PTPRZ1: variants seen among roughly 807,000 people sequenced by gnomAD.
The protein encoded by PTPRZ1 is receptor-type tyrosine-protein phosphatase zeta.
In PTPRZ1, 82 loss-of-function variants were observed where a neutral mutation model predicts 214.1. The observed-to-expected ratio is 0.38, with a 90% CI of 0.32 to 0.46. The LOEUF is 0.46. PTPRZ1 is among the 20% of genes least tolerant of loss of function. The pLI is 1.00. For missense variants in PTPRZ1, 2,603 were observed against 2,748.7 expected (o/e 0.95, Z 1.19); for synonymous variants, 945 against 987.9 (o/e 0.96, Z 0.81).
intron 8 of PTPRZ1, among the ~76,000 whole-genome samples, chr7:121,985,864 C>T (rs1019193841): frequency 6.6e-6 from 1 of 152,214 alleles, no homozygotes; most frequent in Non-Finnish European, 1.5e-5. Flanking sequence ...TTTTGTGTCT[C>T]TGCCAGCAAT....
chr7:122,043,918 A>T (rs987558216), intron 22 of PTPRZ1, among the ~76,000 whole-genome samples: 6 of 152,214 alleles, frequency 3.9e-5, no homozygotes, highest in Non-Finnish European at 7.3e-5. Flanking sequence ...ACTTAAAATA[A>T]ACATTAAAAA....
At chr7:121,925,391 A>C (rs956762351) in intron 1 of PTPRZ1, among the ~76,000 whole-genome samples, 1 of 152,244 alleles carries the variant, frequency 6.6e-6, no homozygotes, top group Non-Finnish European at 1.5e-5. Flanking sequence ...TTGTAAGTAG[A>C]AAGTGAAACA....
chr7:121,996,912 T>C (rs1798160727), intron 9 of PTPRZ1, among the ~76,000 whole-genome samples: 1 of 152,158 alleles, frequency 6.6e-6, no homozygotes, highest in South Asian at 2.1e-4. Context: ...CATTTTATAT[T>C]GTGTCTTCCA....
At chr7:122,051,640 T>G in intron 24 of PTPRZ1, 119 bp downstream of exon 24, 1 of 903,094 alleles carries the variant, frequency 1.1e-6, no homozygotes, top group Non-Finnish European at 1.7e-6. Flanking sequence ...ATTTTTAATT[T>G]TGTCCAATAT....
At chr7:122,005,094 T>C (rs1436417458) in intron 11 of PTPRZ1, among the ~76,000 whole-genome samples, 1 of 151,974 alleles carries the variant, frequency 6.6e-6, no homozygotes, top group African/African-American at 2.4e-5. Context: ...ATATAAATTG[T>C]ATATATATTT....
chr7:122,057,733 T>G (rs1792406075), intron 27 of PTPRZ1, among the ~76,000 whole-genome samples: 1 of 151,184 alleles, frequency 6.6e-6, no homozygotes, highest in Non-Finnish European at 1.5e-5. Context: ...TTCCTGGCCT[T>G]TAAAAGGAAA....
Position 121,993,572 on chromosome 7 carries a change from C to CAAAAAAAAAAAAAAAAAAAAAAAAA in PTPRZ1, c.929-2788_929-2787insAAAAAAAAAAAAAAAAAAAAAAAAA, listed in dbSNP as rs66916301. Among the ~76,000 whole-genome samples, 2 of 73,606 alleles carry CAAAAAAAAAAAAAAAAAAAAAAAAA rather than the reference C, an allele frequency of 2.7e-5. 1 individual carries two copies. The highest frequency in any genetic ancestry group is 5.1e-5 in the Non-Finnish European group (2 of 39,262). The allele number at this position is 73,606 out of a possible 152,430, so 48.3% of individuals were successfully genotyped here. On this transcript the variant is annotated intron_variant, in intron 8 of 29. Coordinates refer to ENST00000393386, the MANE Select transcript of PTPRZ1 (RefSeq NM_002851.3). Reference sequence around the variant, plus strand: ...CCTGGATGACAGAGCGAGACTGTCTCAAAAAAAAAAAAAAAAAAAAAACAC... The same window carrying CAAAAAAAAAAAAAAAAAAAAAAAAA: ...CCTGGATGACAGAGCGAGACTGTCTCAAAAAAAAAAAAAAAAAAAAAAAAAAAAAAAAAAAAAAAAAAAAAAACAC...
intron 23 of PTPRZ1, among the ~76,000 whole-genome samples, chr7:122,049,517 A>G (rs1792104582): frequency 6.6e-6 from 1 of 152,108 alleles, no homozygotes; most frequent in Admixed American, 6.5e-5. Flanking sequence ...AATGTTTTAG[A>G]ACAAAAAAGA....
At chr7:121,914,049 C>T (rs555453010) in intron 1 of PTPRZ1, among the ~76,000 whole-genome samples, 6 of 152,294 alleles carry the variant, frequency 3.9e-5, no homozygotes, top group Non-Finnish European at 7.3e-5. Flanking sequence ...TGTGGTGGCT[C>T]ATGCCTCTGA....
chr7:121,938,655 C>T (rs1300575126), intron 2 of PTPRZ1, among the ~76,000 whole-genome samples: 1 of 150,486 alleles, frequency 6.6e-6, no homozygotes, highest in Admixed American at 6.7e-5. Flanking sequence ...GCCTATCTAG[C>T]TTTCAAAAGG....
chr7:122,051,802 G>A lies in PTPRZ1; in HGVS notation c.6179-64G>A, dbSNP rs1490159757. 12 of 1,415,908 alleles carry A rather than the reference G, an allele frequency of 8.5e-6. No individual in the cohort carries two copies. The East Asian group carries it at 1.9e-4, about 22-fold the overall frequency. The allele number at this position is 1,415,908 out of a possible 1,614,324, so 87.7% of individuals were successfully genotyped here. ...TGGGGAAAAGATGGTACAGTGCTGT[G>A]AGCATGAGTTGTTTTGTTTTGTTTT... On this transcript the variant is annotated intron_variant, in intron 24 of 29. Transcript: ENST00000393386.
chr7:122,039,567 A>G lies in PTPRZ1; in HGVS notation c.5616A>G (p.Leu1872=), dbSNP rs760849930. 12 of 1,613,564 alleles carry G rather than the reference A, an allele frequency of 7.4e-6. 1 individual carries two copies. In the South Asian group the frequency reaches 8.8e-5, roughly 12 times the overall value. The change falls in exon 20 of 30, where the codon CTA becomes CTG. Residue 1872 remains leucine, a synonymous_variant. Transcript: ENST00000393386. ...LAYYTVRNFT[L]RNTKIKKGSQ... is the part of the protein sequence containing the mutation. ...ATTATACTGTGAGGAATTTTACTCT[A>G]AGAAACACAAAAATAAAAAAGGTGA...
chr7:121,880,874 G>C (rs2116160502), intron 1 of PTPRZ1, among the ~76,000 whole-genome samples: 1 of 152,254 alleles, frequency 6.6e-6, no homozygotes, highest in Admixed American at 6.5e-5. Context: ...TCTGCCCAAA[G>C]GAGCATAAGG....
At chr7:122,054,439 A>G (rs539053614) in intron 26 of PTPRZ1, among the ~76,000 whole-genome samples, 28 of 152,260 alleles carry the variant, frequency 1.8e-4, no homozygotes, top group African/African-American at 6.7e-4. Flanking sequence ...GTTAGAATTA[A>G]GTGATTTCCT....
intron 17 of PTPRZ1, among the ~76,000 whole-genome samples, chr7:122,035,919 T>C (rs1799520195): frequency 6.6e-6 from 1 of 152,234 alleles, no homozygotes; most frequent in Non-Finnish European, 1.5e-5. Flanking sequence ...AATCATACTT[T>C]GAATTACCAT....
intron 1 of PTPRZ1, among the ~76,000 whole-genome samples, chr7:121,923,248 T>C (rs537717737): frequency 6.6e-6 from 1 of 152,336 alleles, no homozygotes; most frequent in East Asian, 1.9e-4. Flanking sequence ...TTCTATCATT[T>C]CTTTGCCACA....
rs1399373167 is a variant in PTPRZ1, at chr7:121,930,321, A to G, written c.124+2100A>G. 2.0e-5 allele frequency among the ~76,000 whole-genome samples: 3 copies of G among 152,192 alleles called. No homozygotes were observed. The East Asian group carries it at 5.8e-4, about 29-fold the overall frequency. ...ATTTTAAATCCTAAAAAATACATAA[A>G]AGCAAAAATTATTCATAATTTGACT... On this transcript the variant is annotated intron_variant, in intron 2 of 29. Transcript: ENST00000393386.
At chr7:121,976,563 T>G (rs1168990978) in intron 5 of PTPRZ1, among the ~76,000 whole-genome samples, 1 of 152,166 alleles carries the variant, frequency 6.6e-6, no homozygotes, top group Non-Finnish European at 1.5e-5. Flanking sequence ...TCAGTAACTA[T>G]GAATCATAAA....
chr7:121,987,035 A>G (rs986289560), intron 8 of PTPRZ1, among the ~76,000 whole-genome samples: 1 of 152,204 alleles, frequency 6.6e-6, no homozygotes, highest in Non-Finnish European at 1.5e-5. Context: ...TATTGCTTAT[A>G]TAGTGTTATC....
Sources: allele counts gnomAD v4.1 joint callset (sites outside exome capture counted in the v4.1 genomes callset), GRCh38; gene constraint gnomAD v4.1.1; transcripts MANE v1.5; gene names NCBI Gene and HGNC (gene_info 2026-07-23, HGNC 2026-07-21).